The following GPR149 variants were observed in gnomAD, a reference collection of about 807,000 sequenced individuals.
The protein encoded by GPR149 is probable G protein-coupled receptor 149.
GPR149 carries 50 observed loss-of-function variants against 50.2 expected under a neutral mutation model. The ratio of observed to expected loss-of-function variants is 1.00; its 90% CI spans 0.79 to 1.26. The LOEUF is 1.26. Among genes scored for constraint, GPR149 ranks in the 50% most tolerant of loss-of-function variants. GPR149 has a pLI of 0.00. For synonymous variants in GPR149, 405 were observed against 358.2 expected, an observed-to-expected ratio of 1.13 and a Z score of -1.48; for missense variants, 983 against 895.4, an observed-to-expected ratio of 1.10 and a Z score of -1.25.
intron 3 of GPR149, among the ~76,000 whole-genome samples, chr3:154,358,808 G>A (rs1714311855): frequency 6.6e-6 from 1 of 152,116 alleles, no homozygotes; most frequent in East Asian, 1.9e-4. Context: ...AAGAGACCAT[G>A]TAAGATCCTG....
Position 154,336,123 on chromosome 3 carries a change from A to G in GPR149, c.*1576T>C, listed in dbSNP as rs1469449760. ...TTGACTTTGAATTTATATGTTACAC[A>G]TTATTTGAGGCTTGCTTTACAAACA... On this transcript the variant is annotated 3_prime_UTR_variant, in exon 4 of 4. Coordinates refer to ENST00000389740, the MANE Select transcript of GPR149 (RefSeq NM_001038705.3). 2 of 152,112 alleles carry G rather than the reference A, an allele frequency of 1.3e-5. No individual in the cohort carries two copies. The highest frequency in any genetic ancestry group is 4.8e-5 in the African/African-American group (2 of 41,466). The allele number at this position is 152,112 out of a possible 1,614,324, so 9.4% of individuals were successfully genotyped here. A position where few individuals can be genotyped will look rare whatever the true frequency, so the allele number is the denominator to read the frequency against.
intron 2 of GPR149, among the ~76,000 whole-genome samples, chr3:154,425,325 A>G (rs979350567): frequency 6.6e-6 from 1 of 151,618 alleles, no homozygotes; most frequent in Admixed American, 6.6e-5. Flanking sequence ...GGATGTAAAG[A>G]GAGGGAATCT....
chr3:154,403,174 T>C (rs147845768), intron 3 of GPR149, among the ~76,000 whole-genome samples: 1 of 152,200 alleles, frequency 6.6e-6, no homozygotes, highest in Non-Finnish European at 1.5e-5. Context: ...ATTAAGTTCA[T>C]AGGTGACACA....
intron 3 of GPR149, among the ~76,000 whole-genome samples, chr3:154,381,924 A>T (rs562553006): frequency 6.6e-6 from 1 of 152,336 alleles, no homozygotes; most frequent in Non-Finnish European, 1.5e-5. Flanking sequence ...TTCTTAACCC[A>T]GATGCGTCAA....
Position 154,337,645 on chromosome 3 carries a change from G to A in GPR149, c.*54C>T. 1.6e-6 allele frequency: 2 copies of A among 1,288,776 alleles called. No homozygotes were observed. The highest frequency in any genetic ancestry group is 1.5e-5 in the South Asian group (1 of 65,356). 79.8% of individuals were successfully genotyped at this position (1,288,776 alleles called of 1,614,324 possible). ...AATCAGTCTCATAACAAAGGTGTTAGTTTCACAGTTGACGTTGCAGATCCA... is the reference window on the plus strand; with the variant it reads ...AATCAGTCTCATAACAAAGGTGTTAATTTCACAGTTGACGTTGCAGATCCA... On this transcript the variant is annotated 3_prime_UTR_variant, in exon 4 of 4. Coordinates refer to ENST00000389740, the MANE Select transcript of GPR149 (RefSeq NM_001038705.3).
At chr3:154,352,111 C>T (rs1714095285) in intron 3 of GPR149, 1 of 681,254 alleles carries the variant, frequency 1.5e-6, no homozygotes, top group African/African-American at 1.8e-5. Context: ...GGCAAGTTCA[C>T]ACTGGTAGAT....
intron 3 of GPR149, among the ~76,000 whole-genome samples, chr3:154,409,729 CT>C (rs1268155409): frequency 1.3e-5 from 2 of 152,050 alleles, no homozygotes; most frequent in African/African-American, 4.8e-5. Context: ...AAGTTTGGGA[CT>C]GTGTTAAACA....
At chr3:154,350,525 C>G (rs1211189158) in intron 3 of GPR149, among the ~76,000 whole-genome samples, 1 of 152,078 alleles carries the variant, frequency 6.6e-6, no homozygotes, top group Non-Finnish European at 1.5e-5. Flanking sequence ...CTACATGACA[C>G]TTTAAAAAGT....
rs1712427579 is a variant in GPR149, at chr3:154,429,571, C to T, written c.45G>A (p.Leu15=). ...LSNLSTNDSS[L]WKENHNSTDL... ...CCGTAGAATTATGATTCTCTTTCCACAGGCTAGAGTCATTTGTTGATAAGT... is the reference window on the plus strand; with the variant it reads ...CCGTAGAATTATGATTCTCTTTCCATAGGCTAGAGTCATTTGTTGATAAGT... Residue 15 remains leucine, a synonymous_variant, in exon 1 of 4, where the codon CTG becomes CTA. Transcript: ENST00000389740. The T allele has an allele frequency of 6.2e-7, 1 of 1,613,436 alleles. No homozygotes were observed. The highest frequency in any genetic ancestry group is 1.3e-5 in the African/African-American group (1 of 75,048).
At chr3:154,406,151 T>TAA (rs1234872689) in intron 3 of GPR149, among the ~76,000 whole-genome samples, 2 of 152,076 alleles carry the variant, frequency 1.3e-5, no homozygotes. Flanking sequence ...AGAAGTTCCT[T>TAA]AAATATATAA....
At chr3:154,341,295 A>G (rs1044781697) in intron 3 of GPR149, among the ~76,000 whole-genome samples, 2 of 16,248 alleles carry the variant, frequency 1.2e-4, no homozygotes, top group African/African-American at 5.2e-4. Flanking sequence ...AATAAGACAT[A>G]TATATATATA....
At chr3:154,428,203 C>T (rs1220424917) in intron 1 of GPR149, among the ~76,000 whole-genome samples, 1 of 152,222 alleles carries the variant, frequency 6.6e-6, no homozygotes, top group East Asian at 1.9e-4. Context: ...CCCCTCTATC[C>T]CGCCCTGCTG....
Position 154,336,947 on chromosome 3 carries a change from T to C in GPR149, c.*752A>G, listed in dbSNP as rs1292253163. 6.6e-6 allele frequency: 1 copy of C among 151,994 alleles called. No individual in the cohort carries two copies. Among genetic ancestry groups the C allele is most frequent in the African/African-American group, 2.4e-5 (1 of 41,388 alleles). The allele number at this position is 151,994 out of a possible 1,614,324, so 9.4% of individuals were successfully genotyped here. A position where few individuals can be genotyped will look rare whatever the true frequency, so the allele number is the denominator to read the frequency against. On this transcript the variant is annotated 3_prime_UTR_variant, in exon 4 of 4. Transcript: ENST00000389740. ...TAGGATAAAGTATACAATTACACAA[T>C]TACAACTTTTTTCCAATAATGTTTG... is the stretch of plus-strand genomic sequence containing the variant.
At chr3:154,386,158 G>A (rs1315880100) in intron 3 of GPR149, among the ~76,000 whole-genome samples, 1 of 152,180 alleles carries the variant, frequency 6.6e-6, no homozygotes, top group Non-Finnish European at 1.5e-5. Flanking sequence ...AATATCTGGT[G>A]AAGTGAGTGT....
intron 3 of GPR149, among the ~76,000 whole-genome samples, chr3:154,362,063 G>A (rs1188669998): frequency 1.3e-5 from 2 of 152,076 alleles, no homozygotes; most frequent in African/African-American, 2.4e-5. Flanking sequence ...AAAAAGACAG[G>A]TGGATCATGA....
intron 3 of GPR149, among the ~76,000 whole-genome samples, chr3:154,380,320 C>G (rs2108406163): frequency 6.6e-6 from 1 of 152,218 alleles, no homozygotes; most frequent in East Asian, 1.9e-4. Context: ...TTGTATCGCA[C>G]AGCAGAAACC....
At position 154,337,145 on chromosome 3, in the gene GPR149, AC is replaced by A. The variant is rs2108381210; in HGVS notation, c.*553del. On this transcript the variant is annotated 3_prime_UTR_variant, in exon 4 of 4. Coordinates refer to ENST00000389740, the MANE Select transcript of GPR149 (RefSeq NM_001038705.3). ...GGAAACAACTATTTATAGACTAGGA[AC>A]CTGCGTGTTTCTCAGTTGGAAGCTA... is the stretch of plus-strand genomic sequence containing the variant. 1 of 152,328 alleles carries A rather than the reference AC, an allele frequency of 6.6e-6. No homozygotes were observed. Among genetic ancestry groups the A allele is most frequent in the South Asian group, 2.1e-4 (1 of 4,834 alleles). 9.4% of individuals were successfully genotyped at this position (152,328 alleles called of 1,614,324 possible).
At chr3:154,396,907 TA>T (rs1329587120) in intron 3 of GPR149, among the ~76,000 whole-genome samples, 1 of 151,376 alleles carries the variant, frequency 6.6e-6, no homozygotes, top group Non-Finnish European at 1.5e-5. Flanking sequence ...ATTATATATA[TA>T]TTTTTTGTCA....
chr3:154,369,387 C>T (rs971336829), intron 3 of GPR149, among the ~76,000 whole-genome samples: 12 of 152,066 alleles, frequency 7.9e-5, no homozygotes, highest in African/African-American at 2.9e-4. Flanking sequence ...TAGTAAAGTC[C>T]CTTATGTACA....
Sources: gnomAD v4.1 joint callset for allele counts (sites outside exome capture counted in the v4.1 genomes callset) on GRCh38, gnomAD v4.1.1 for gene constraint, MANE v1.5 for transcripts, NCBI Gene and HGNC (gene_info 2026-07-23, HGNC 2026-07-21) for gene names.